GNB4: variants seen among roughly 807,000 people sequenced by gnomAD.
GNB4 encodes the protein G protein subunit beta 4.
Under a neutral mutation model 45.2 loss-of-function variants are expected in GNB4, and 28 were observed. The ratio of observed to expected loss-of-function variants is 0.62; its 90% CI spans 0.46 to 0.85. The LOEUF (loss-of-function observed/expected upper bound fraction) is 0.85, where lower values mean the gene tolerates loss of function less well. GNB4 is among the 40% of genes least tolerant of loss of function. GNB4 has a pLI of 0.00. For synonymous variants in GNB4, 132 were observed against 143.7 expected (o/e 0.92, Z 0.58); for missense variants, 321 against 425.4 (o/e 0.75, Z 2.16).
intron 2 of GNB4, among the ~76,000 whole-genome samples, chr3:179,424,465 C>T (rs1388293631): frequency 6.6e-6 from 1 of 152,222 alleles, no homozygotes; most frequent in African/African-American, 2.4e-5. Context: ...TTATTCACAT[C>T]TAAATAGTTA....
intron 8 of GNB4, 30 bp from the exon 9 acceptor site, chr3:179,405,436 T>C: frequency 1.4e-6 from 2 of 1,447,048 alleles, no homozygotes; most frequent in Middle Eastern, 1.8e-4. Flanking sequence ...ACATTTATTC[T>C]ACAGATGTAT....
chr3:179,467,151 C>G, the GNB4 span, among the ~76,000 whole-genome samples: 1 of 152,146 alleles, frequency 6.6e-6, no homozygotes, highest in Non-Finnish European at 1.5e-5. Context: ...ATGGCTTGGA[C>G]TACAGGTGTG....
chr3:179,440,876 T>TAGAGAGAGAG (rs1358506608), intron 1 of GNB4, among the ~76,000 whole-genome samples: 37 of 110,692 alleles, frequency 3.3e-4, no homozygotes, highest in African/African-American at 1.5e-3. Flanking sequence ...TATATATAGA[T>TAGAGAGAGAG]AGATAGAGAG....
At chr3:179,508,352 A>T in the GNB4 span, among the ~76,000 whole-genome samples, 2 of 152,196 alleles carry the variant, frequency 1.3e-5, no homozygotes, top group African/African-American at 4.8e-5. Context: ...ACCACCATGG[A>T]TGACACATGG....
chr3:179,474,515 C>A, the GNB4 span, among the ~76,000 whole-genome samples: 1 of 151,830 alleles, frequency 6.6e-6, no homozygotes, highest in African/African-American at 2.4e-5. Flanking sequence ...AGAGCCACTG[C>A]ACCCAGCCAA....
chr3:179,428,946 G>C (rs1409884329), intron 1 of GNB4, among the ~76,000 whole-genome samples: 2 of 152,198 alleles, frequency 1.3e-5, no homozygotes, highest in Admixed American at 6.6e-5. Flanking sequence ...TCCAGGCTGA[G>C]TGCCCCTAAG....
chr3:179,405,423 CA>C lies in GNB4; in HGVS notation c.700-18del, dbSNP rs1456809980. 1 of 1,550,206 alleles carries C rather than the reference CA, an allele frequency of 6.5e-7. No homozygotes were observed. Among genetic ancestry groups the C allele is most frequent in the Non-Finnish European group, 8.9e-7 (1 of 1,125,664 alleles). On this transcript the variant is annotated intron_variant, in intron 8 of 9. Coordinates refer to ENST00000232564, the MANE Select transcript of GNB4 (RefSeq NM_021629.4). ...TGGGAAAAACTAGACAGGAAAGTAA[CA>C]AACATTTATTCTACAGATGTATGCA...
intron 8 of GNB4, among the ~76,000 whole-genome samples, chr3:179,408,045 A>T (rs1463870670): frequency 6.6e-6 from 1 of 152,212 alleles, no homozygotes; most frequent in African/African-American, 2.4e-5. Context: ...TAACTTGGCC[A>T]GTCTGATTTT....
At chr3:179,527,411 T>C in the GNB4 span, among the ~76,000 whole-genome samples, 1 of 152,166 alleles carries the variant, frequency 6.6e-6, no homozygotes, top group Non-Finnish European at 1.5e-5. Flanking sequence ...TTGAGATGCT[T>C]AGACATCCAG....
At chr3:179,521,290 C>T in the GNB4 span, among the ~76,000 whole-genome samples, 114,663 of 152,100 alleles carry the variant, frequency 0.75, 44,321 homozygotes, top group East Asian at 0.99. Flanking sequence ...TGGTATTCAG[C>T]GAACTCATGG....
Position 179,405,201 on chromosome 3 carries a change from C to T in GNB4, c.905G>A (p.Gly302Glu). 6.2e-7 allele frequency: 1 copy of T among 1,613,696 alleles called. No homozygotes were observed. Among genetic ancestry groups the T allele is most frequent in the Non-Finnish European group, 8.5e-7 (1 of 1,179,770 alleles). ...ACTTATTTACTAACCTGCACGATCT[C>T]CTTTTAGCGTGTCCCATACATTACA... ...FNCNVWDTLK[G>E]DRAGVLAGHD... Residue 302 changes from glycine (G) to glutamate (E), a missense_variant, in exon 9 of 10, where the codon GGA (glycine) becomes GAA (glutamate). Coordinates refer to ENST00000232564, the MANE Select transcript of GNB4 (RefSeq NM_021629.4).
the GNB4 span, among the ~76,000 whole-genome samples, chr3:179,526,889 C>T: frequency 6.6e-6 from 1 of 152,136 alleles, no homozygotes. Flanking sequence ...GCACCATTCC[C>T]AAAATTAACA....
At chr3:179,409,141 A>G (rs896114180) in intron 8 of GNB4, among the ~76,000 whole-genome samples, 1 of 151,896 alleles carries the variant, frequency 6.6e-6, no homozygotes, top group Non-Finnish European at 1.5e-5. Flanking sequence ...AAAAAAAAAA[A>G]AATTATGGCT....
chr3:179,431,088 T>C (rs1166436640), intron 1 of GNB4, among the ~76,000 whole-genome samples: 1 of 152,164 alleles, frequency 6.6e-6, no homozygotes, highest in Non-Finnish European at 1.5e-5. Context: ...TAAAACCCAG[T>C]AGATTTTCAA....
intron 2 of GNB4, among the ~76,000 whole-genome samples, chr3:179,421,213 T>C (rs1035390134): frequency 1.5e-4 from 23 of 152,198 alleles, no homozygotes; most frequent in African/African-American, 5.5e-4. Context: ...CTAATTCCTT[T>C]TTCTCTCACA....
the GNB4 span, among the ~76,000 whole-genome samples, chr3:179,513,325 A>T: frequency 6.6e-6 from 1 of 151,506 alleles, no homozygotes; most frequent in Non-Finnish European, 1.5e-5. Context: ...CCAGGACTAC[A>T]GATGTGTGCC....
chr3:179,478,505 T>A, the GNB4 span, among the ~76,000 whole-genome samples: 1 of 151,878 alleles, frequency 6.6e-6, no homozygotes, highest in African/African-American at 2.4e-5. Flanking sequence ...GGTTTTGCTG[T>A]TGTTGTTTGT....
the GNB4 span, among the ~76,000 whole-genome samples, chr3:179,507,492 T>C: frequency 5.3e-5 from 8 of 152,172 alleles, no homozygotes; most frequent in African/African-American, 1.9e-4. Flanking sequence ...CAAAATTCAT[T>C]GTCATCAGGT....
chr3:179,512,454 C>T, the GNB4 span, among the ~76,000 whole-genome samples: 11 of 152,140 alleles, frequency 7.2e-5, no homozygotes, highest in African/African-American at 2.7e-4. Flanking sequence ...TAGCTTTCTA[C>T]TGCCATTAAA....
Sources: allele counts gnomAD v4.1 joint callset (sites outside exome capture counted in the v4.1 genomes callset), GRCh38; gene constraint gnomAD v4.1.1; transcripts MANE v1.5; gene names NCBI Gene and HGNC (gene_info 2026-07-23, HGNC 2026-07-21).